The following PMS1 variants were observed in gnomAD, a reference collection of about 807,000 sequenced individuals.
The protein encoded by PMS1 is PMS1 protein homolog 1.
PMS1 carries 79 observed loss-of-function variants against 93.1 expected under a neutral mutation model. The observed-to-expected ratio is 0.85, with a 90% CI of 0.71 to 1.02. The LOEUF is 1.02. Ranked by LOEUF, PMS1 falls within the 50% of genes least tolerant of loss-of-function variation. The pLI is 0.00. For synonymous variants in PMS1, 335 were observed against 363.4 expected (o/e 0.92, Z 0.89); for missense variants, 1,064 against 1,085.3 (o/e 0.98, Z 0.28).
intron 11 of PMS1, among the ~76,000 whole-genome samples, chr2:189,872,659 G>C (rs959122098): frequency 1.3e-5 from 2 of 152,122 alleles, no homozygotes; most frequent in Non-Finnish European, 2.9e-5. Context: ...TTGAGATGGA[G>C]TCTTGCTCTG....
intron 4 of PMS1, chr2:189,806,959 TTCCC>T (rs2050400906): frequency 9.8e-6 from 2 of 204,440 alleles, no homozygotes; most frequent in South Asian, 1.9e-4. Flanking sequence ...TAATTTTGTG[TTCCC>T]TCATTGCAGT....
At chr2:189,867,175 C>G (rs1182921139) in intron 10 of PMS1, among the ~76,000 whole-genome samples, 1 of 152,156 alleles carries the variant, frequency 6.6e-6, no homozygotes, top group African/African-American at 2.4e-5. Context: ...CCGACAGACA[C>G]CTTTTTGCAA....
intron 5 of PMS1, among the ~76,000 whole-genome samples, chr2:189,831,198 A>G (rs1018248072): frequency 2.6e-5 from 4 of 152,368 alleles, no homozygotes; most frequent in Middle Eastern, 3.4e-3. Flanking sequence ...GGTATTTAAT[A>G]TGAGAGAATA....
At chr2:189,819,502 T>A (rs545357895) in intron 5 of PMS1, among the ~76,000 whole-genome samples, 1 of 152,326 alleles carries the variant, frequency 6.6e-6, no homozygotes, top group African/African-American at 2.4e-5. Context: ...CCATCAGCAG[T>A]GAGTAAATGT....
At chr2:189,846,582 G>A (rs2106425874) in intron 6 of PMS1, among the ~76,000 whole-genome samples, 1 of 151,974 alleles carries the variant, frequency 6.6e-6, no homozygotes, top group African/African-American at 2.4e-5. Context: ...GGGAGGCTGA[G>A]GTGGGAGGAT....
At chr2:189,844,696 G>T (rs1575232839) in intron 6 of PMS1, among the ~76,000 whole-genome samples, 1 of 145,466 alleles carries the variant, frequency 6.9e-6, no homozygotes, top group African/African-American at 2.6e-5. Flanking sequence ...TTCCAAATAT[G>T]TACTTAAAAC....
chr2:189,835,232 T>A (rs2017410), intron 5 of PMS1, among the ~76,000 whole-genome samples: 62,509 of 152,048 alleles, frequency 0.41, 16,601 homozygotes, highest in African/African-American at 0.77. Context: ...ATTAAATAAG[T>A]GTAAGAGATT....
intron 6 of PMS1, among the ~76,000 whole-genome samples, chr2:189,844,831 C>G (rs2054122793): frequency 6.6e-6 from 1 of 151,488 alleles, no homozygotes; most frequent in Non-Finnish European, 1.5e-5. Flanking sequence ...TTTATATTTT[C>G]AAGCTTAATT....
chr2:189,864,100 G>C lies in PMS1; in HGVS notation c.2214G>C (p.Met738Ile), dbSNP rs1287562848. Reference sequence around the variant, plus strand: ...TCAGGTTTCCTGATGCATGGCTAATGACATCCAAAACAGAGGTAATGTTAT... The same window carrying C: ...TCAGGTTTCCTGATGCATGGCTAATCACATCCAAAACAGAGGTAATGTTAT... Reference protein sequence around the residue: ...HNLRFPDAWLMTSKTEVMLLN... With the variant: ...HNLRFPDAWLITSKTEVMLLN... Residue 738 changes from methionine (M) to isoleucine (I), a missense_variant, in exon 10 of 13, where the codon ATG (methionine) becomes ATC (isoleucine). Coordinates refer to ENST00000441310, the MANE Select transcript of PMS1 (RefSeq NM_000534.5). 6.2e-7 allele frequency: 1 copy of C among 1,613,568 alleles called. No individual in the cohort carries two copies. Among genetic ancestry groups the C allele is most frequent in the African/African-American group, 1.3e-5 (1 of 74,932 alleles).
chr2:189,836,715 G>A (rs1334351826), intron 5 of PMS1, among the ~76,000 whole-genome samples: 1 of 152,176 alleles, frequency 6.6e-6, no homozygotes, highest in African/African-American at 2.4e-5. Context: ...AACTAGTTTA[G>A]AAAATGCTCT....
At chr2:189,813,038 A>G (rs1042199998) in intron 4 of PMS1, among the ~76,000 whole-genome samples, 4 of 152,186 alleles carry the variant, frequency 2.6e-5, no homozygotes, top group African/African-American at 4.8e-5. Flanking sequence ...TTAACTGGTA[A>G]TTTCTACTAT....
intron 5 of PMS1, among the ~76,000 whole-genome samples, chr2:189,824,923 C>T (rs1183044386): frequency 1.3e-5 from 2 of 151,998 alleles, no homozygotes; most frequent in East Asian, 3.8e-4. Context: ...TGCTCTTAGC[C>T]TTTTTCTTTT....
chr2:189,863,229 T>C (rs1435078873), intron 9 of PMS1, among the ~76,000 whole-genome samples: 2 of 151,842 alleles, frequency 1.3e-5, no homozygotes, highest in Non-Finnish European at 2.9e-5. Context: ...TTTGTTGTTG[T>C]TGTTTTTTCT....
intron 3 of PMS1, among the ~76,000 whole-genome samples, chr2:189,798,524 C>G (rs2049561953): frequency 6.6e-6 from 1 of 152,088 alleles, no homozygotes; most frequent in South Asian, 2.1e-4. Flanking sequence ...GTTCACAGAG[C>G]CTTCAAATAG....
At chr2:189,805,984 C>A in intron 4 of PMS1, 1 of 1,358,354 alleles carries the variant, frequency 7.4e-7, no homozygotes, top group Non-Finnish European at 9.8e-7. Flanking sequence ...CTTCCATGGA[C>A]TAGTTACTCC....
intron 4 of PMS1, among the ~76,000 whole-genome samples, chr2:189,814,110 A>C (rs2051067166): frequency 6.6e-6 from 1 of 152,188 alleles, no homozygotes; most frequent in African/African-American, 2.4e-5. Context: ...CTTTTGCTCC[A>C]AAATTTGGCA....
At position 189,854,599 on chromosome 2, in the gene PMS1, A is replaced by G. The variant is rs1352912090; in HGVS notation, c.1327A>G (p.Asn443Asp). The G allele has an allele frequency of 6.2e-7, 1 of 1,613,874 alleles. No homozygotes were observed. Among genetic ancestry groups the G allele is most frequent in the Non-Finnish European group, 8.5e-7 (1 of 1,179,806 alleles). The stretch of plus-strand genomic sequence containing the variant: ...TGCATTTCAGGACATTTCAATGAGT[A>G]ATGTATCATGGGAGAACTCTCAGAC... ...KNAFQDISMS[N>D]VSWENSQTEY... Residue 443 changes from asparagine (N) to aspartate (D), a missense_variant, in exon 9 of 13, where the codon AAT (asparagine) becomes GAT (aspartate). Asn to Asp is a conservative substitution (Grantham distance 23). Transcript: ENST00000441310.
intron 1 of PMS1, among the ~76,000 whole-genome samples, chr2:189,785,863 A>G (rs1394478360): frequency 1.3e-5 from 2 of 152,138 alleles, no homozygotes; most frequent in South Asian, 2.1e-4. Flanking sequence ...GGTGGCTCAC[A>G]CCTGTAATCC....
intron 5 of PMS1, among the ~76,000 whole-genome samples, chr2:189,826,037 G>A (rs2052397951): frequency 1.3e-5 from 2 of 152,174 alleles, no homozygotes. Context: ...ATAAGATGAA[G>A]ATAAATAAGT....
Sources: allele counts gnomAD v4.1 joint callset (sites outside exome capture counted in the v4.1 genomes callset), GRCh38; gene constraint gnomAD v4.1.1; transcripts MANE v1.5; gene names NCBI Gene and HGNC (gene_info 2026-07-23, HGNC 2026-07-21).